The following PHF12 variants were observed in gnomAD, a reference collection of about 807,000 sequenced individuals.
PHF12 encodes the protein PHD finger protein 12, also known as PHD factor 1.
A neutral mutation model predicts 99.8 loss-of-function variants in PHF12; 6 were observed. That is an observed-to-expected ratio of 0.06 (90% CI 0.03 to 0.12). PHF12 has a LOEUF of 0.12. Ranked by LOEUF, PHF12 falls within the 10% of genes least tolerant of loss-of-function variation. The pLI is 1.00. For synonymous variants in PHF12, 480 were observed against 514.9 expected (o/e 0.93, Z 0.92); for missense variants, 954 against 1,300.1 (o/e 0.73, Z 4.09).
rs35263191 is a variant in PHF12, at chr17:28,923,653, C to CAAAAAAAAAAAA, written c.715+244_715+255dup. Among the ~76,000 whole-genome samples, 45 of 43,480 alleles carry CAAAAAAAAAAAA rather than the reference C, an allele frequency of 1.0e-3. 1 individual carries two copies. Among genetic ancestry groups the CAAAAAAAAAAAA allele is most frequent in the East Asian group, 2.5e-3 (3 of 1,188 alleles). The allele number at this position is 43,480 out of a possible 152,430, so 28.5% of individuals were successfully genotyped here. ...AGCCTGAGTGACAAAGTGAGACTCA[C>CAAAAAAAAAAAA]AAAAAAAAAAAAAAAAAAAAAAGGA... is the stretch of plus-strand genomic sequence containing the variant. On this transcript the variant is annotated intron_variant, in intron 4 of 14. Transcript: ENST00000332830.
chr17:28,929,051 G>A (rs1445625180), intron 2 of PHF12, among the ~76,000 whole-genome samples: 2 of 150,858 alleles, frequency 1.3e-5, no homozygotes, highest in Admixed American at 1.3e-4. Flanking sequence ...AGCCGAGACA[G>A]TGCCACTGCA....
intron 12 of PHF12, chr17:28,908,123 C>G (rs987443802): frequency 2.4e-5 from 4 of 165,654 alleles, no homozygotes; most frequent in African/African-American, 9.6e-5. Context: ...AGATACAGGG[C>G]TAACTGAAGA....
At chr17:28,917,173 A>G (rs1598127522) in intron 7 of PHF12, 112 bp downstream of exon 7, 6 of 1,443,942 alleles carry the variant, frequency 4.2e-6, no homozygotes, top group Non-Finnish European at 4.8e-6. Context: ...GACACCACAA[A>G]CCTATTTCTG....
intron 2 of PHF12, among the ~76,000 whole-genome samples, chr17:28,941,678 A>G (rs184221371): frequency 1.0e-3 from 158 of 152,068 alleles, no homozygotes; most frequent in Middle Eastern, 3.4e-3. Context: ...TGGCGTGATC[A>G]CTGCAACCTC....
intron 10 of PHF12, 46 bp downstream of exon 10, chr17:28,911,066 C>A (rs534964328): frequency 1.2e-6 from 2 of 1,612,530 alleles, no homozygotes; most frequent in East Asian, 2.2e-5. Context: ...AGGAATAGCA[C>A]CTTCAACATA....
intron 5 of PHF12, 69 bp from the exon 6 acceptor site, chr17:28,919,344 G>A: frequency 1.3e-6 from 2 of 1,503,824 alleles, no homozygotes; most frequent in South Asian, 2.5e-5. Flanking sequence ...TTGACCTGTG[G>A]AACAGCCTCC....
rs1037332630 is a variant in PHF12 at position 28,909,121 on chromosome 17, A to G, written c.2360-240T>C. 3.9e-5 allele frequency: 20 copies of G among 509,290 alleles called. No homozygotes were observed. The Admixed American group carries it at 6.6e-4, about 17-fold the overall frequency. 31.5% of individuals were successfully genotyped at this position (509,290 alleles called of 1,614,324 possible). ...TTGAAGATGGTCAGAGAAGTCAGAG[A>G]TGACAGTACTGTGTAAGTTCCTGGG... On this transcript the variant is annotated intron_variant, in intron 11 of 14. Coordinates refer to ENST00000332830, the MANE Select transcript of PHF12 (RefSeq NM_001033561.2).
At chr17:28,944,609 T>C (rs1458593478) in intron 2 of PHF12, 1 of 691,168 alleles carries the variant, frequency 1.4e-6, no homozygotes, top group African/African-American at 2.0e-5. Context: ...ATCACACCAA[T>C]GCACTCTAGC....
chr17:28,909,417 G>A (rs189449627), intron 11 of PHF12: 104 of 154,592 alleles, frequency 6.7e-4, no homozygotes, highest in Middle Eastern at 3.4e-3. Context: ...GCTGGTCTGC[G>A]AACCACACTT....
chr17:28,946,970 G>A (rs1325283080), intron 2 of PHF12, among the ~76,000 whole-genome samples: 2 of 151,980 alleles, frequency 1.3e-5, no homozygotes, highest in East Asian at 1.9e-4. Context: ...ATAAAATTAA[G>A]CAGTAATAGG....
chr17:28,910,457 C>A (rs1441472353), intron 10 of PHF12, 88 bp from the exon 11 acceptor site: 2 of 1,452,520 alleles, frequency 1.4e-6, no homozygotes, highest in Non-Finnish European at 1.9e-6. Context: ...AATAGTTTGG[C>A]ATTTCTAAAA....
chr17:28,910,580 A>G lies in PHF12; in HGVS notation c.2216-211T>C, dbSNP rs1254746260. On this transcript the variant is annotated intron_variant, in intron 10 of 14. Transcript: ENST00000332830. ...AGATGGGCCCCAATGCAGCCTGTGC[A>G]GCTGCCTCCTGTAGTTGGGTGGACT... 5 of 617,440 alleles carry G rather than the reference A, an allele frequency of 8.1e-6. No homozygotes were observed. The East Asian group carries it at 1.4e-4, about 17-fold the overall frequency. 38.2% of individuals were successfully genotyped at this position (617,440 alleles called of 1,614,324 possible).
intron 9 of PHF12, chr17:28,912,122 T>G: frequency 9.3e-7 from 1 of 1,073,878 alleles, no homozygotes; most frequent in East Asian, 6.6e-5. Flanking sequence ...AGGCTGATCA[T>G]AGTAATTCCA....
chr17:28,949,877 G>T lies in PHF12; in HGVS notation c.248+188C>A. ...CACCTCGGGGTCCGGACCCACCGCT[G>T]CTCCTCCCCGCTAAACTGCCAGAAC... On this transcript the variant is annotated intron_variant, in intron 2 of 14. Coordinates refer to ENST00000332830, the MANE Select transcript of PHF12 (RefSeq NM_001033561.2). The surrounding 1 kb of genome is among the most constrained non-coding windows in gnomAD (Gnocchi z 4.6). 1 of 634,808 alleles carries T rather than the reference G, an allele frequency of 1.6e-6. No homozygotes were observed. Among genetic ancestry groups the T allele is most frequent in the Non-Finnish European group, 2.6e-6 (1 of 377,542 alleles). 39.3% of individuals were successfully genotyped at this position (634,808 alleles called of 1,614,324 possible). A position where few individuals can be genotyped will look rare whatever the true frequency, so the allele number is the denominator to read the frequency against.
Position 28,950,364 on chromosome 17 carries a change from C to T in PHF12, c.67-118G>A. The T allele has an allele frequency of 8.6e-7, 1 of 1,159,902 alleles. No individual in the cohort carries two copies. The highest frequency in any genetic ancestry group is 1.5e-5 in the South Asian group (1 of 64,744). The allele number at this position is 1,159,902 out of a possible 1,614,324, so 71.9% of individuals were successfully genotyped here. The stretch of plus-strand genomic sequence containing the variant: ...TCCCCCCTTTTGTCCTTCTTCCTCC[C>T]ATCCAGGCTGCTCCCAGAATCTCTC... On this transcript the variant is annotated intron_variant, in intron 1 of 14. Transcript: ENST00000332830. This position sits in a 1 kb window ranked among gnomAD's most constrained non-coding sequence, Gnocchi z 5.7.
chr17:28,951,105 C>G lies in PHF12; in HGVS notation c.-145G>C, dbSNP rs998252544. 31 of 1,459,534 alleles carry G rather than the reference C, an allele frequency of 2.1e-5. No homozygotes were observed. Among genetic ancestry groups the G allele is most frequent in the East Asian group, 1.5e-4 (6 of 39,582 alleles). 90.4% of individuals were successfully genotyped at this position (1,459,534 alleles called of 1,614,324 possible). A position where few individuals can be genotyped will look rare whatever the true frequency, so the allele number is the denominator to read the frequency against. ...CGACTTCCTCGCCCTGGCTCCCCCC[C>G]ACCCCCCGGCCCCCAGTCCCCGGGA... is the stretch of plus-strand genomic sequence containing the variant. On this transcript the variant is annotated 5_prime_UTR_variant, in exon 1 of 15. Transcript: ENST00000332830.
Position 28,951,363 on chromosome 17 carries a change from G to A in PHF12, c.-403C>T. On this transcript the variant is annotated 5_prime_UTR_variant, in exon 1 of 15. It adds an upstream start codon to the 5' untranslated region. Transcript: ENST00000332830. Reference sequence around the variant, plus strand: ...GAGAGGTTACGTGAGGTTGTGGTACGTGAGGTGACTGGGGGGAGGGTGATG... The same window carrying A: ...GAGAGGTTACGTGAGGTTGTGGTACATGAGGTGACTGGGGGGAGGGTGATG... 6.1e-6 allele frequency: 6 copies of A among 988,948 alleles called. No homozygotes were observed. Among genetic ancestry groups the A allele is most frequent in the African/African-American group, 3.5e-5 (2 of 57,404 alleles). 61.3% of individuals were successfully genotyped at this position (988,948 alleles called of 1,614,324 possible).
chr17:28,923,862 T>C, intron 4 of PHF12, 47 bp downstream of exon 4: 3 of 1,554,250 alleles, frequency 1.9e-6, no homozygotes, highest in Non-Finnish European at 1.7e-6. Flanking sequence ...TGCTGGTCCT[T>C]TGGGGAAACT....
chr17:28,907,314 G>A, intron 13 of PHF12: 1 of 532,864 alleles, frequency 1.9e-6, no homozygotes, highest in Non-Finnish European at 3.4e-6. Context: ...TTCCTTCTAT[G>A]CTGGTCCCCT....
Sources: gnomAD v4.1 joint callset for allele counts (sites outside exome capture counted in the v4.1 genomes callset) on GRCh38, gnomAD v4.1.1 for gene constraint, Gnocchi (gnomAD v3.1) non-coding constraint, MANE v1.5 for transcripts, NCBI Gene and HGNC (gene_info 2026-07-23, HGNC 2026-07-21) for gene names.